DNAJA2: variants seen among roughly 807,000 people sequenced by gnomAD.
The protein encoded by DNAJA2 is DnaJ heat shock protein family (Hsp40) member A2.
A neutral mutation model predicts 49.3 loss-of-function variants in DNAJA2; 6 were observed. The observed-to-expected ratio is 0.12, with a 90% CI of 0.07 to 0.24. The LOEUF is 0.24. Ranked by LOEUF, DNAJA2 falls within the 10% of genes least tolerant of loss-of-function variation. The probability of loss-of-function intolerance (pLI) is 1.00; values close to 1 mark genes in which losing one functional copy is unlikely to be tolerated. For synonymous variants in DNAJA2, 160 were observed against 172.7 expected, an observed-to-expected ratio of 0.93 and a Z score of 0.58; for missense variants, 347 against 516.8, an observed-to-expected ratio of 0.67 and a Z score of 3.19.
intron 4 of DNAJA2, 102 bp downstream of exon 4, chr16:46,967,982 C>G (rs898618979): frequency 2.2e-4 from 258 of 1,155,528 alleles, no homozygotes; most frequent in Non-Finnish European, 2.9e-4. Context: ...CGCACCCAGC[C>G]GTAAGTTTTA....
At chr16:46,958,734 A>G (rs8052160) in intron 8 of DNAJA2, 281,054 of 311,186 alleles carry the variant, frequency 0.9, 128,527 homozygotes, top group East Asian at 0.99. Flanking sequence ...AGCCGAGACT[A>G]CACCACTGCA....
chr16:46,968,757 G>A (rs1962008067), intron 3 of DNAJA2, among the ~76,000 whole-genome samples: 1 of 152,286 alleles, frequency 6.6e-6, no homozygotes, highest in Middle Eastern at 3.4e-3. Context: ...GGATAGAATA[G>A]TTTTTCATGC....
At chr16:46,963,407 A>T (rs1347202255) in intron 6 of DNAJA2, among the ~76,000 whole-genome samples, 1 of 151,946 alleles carries the variant, frequency 6.6e-6, no homozygotes, top group Non-Finnish European at 1.5e-5. Context: ...TGTGGCTCAC[A>T]CCTGTAATCC....
At chr16:46,973,330 G>C (rs1596660549) in intron 1 of DNAJA2, among the ~76,000 whole-genome samples, 165 bp downstream of exon 1, 1 of 150,794 alleles carries the variant, frequency 6.6e-6, no homozygotes, top group Admixed American at 6.6e-5. Context: ...GGAGTGCGCG[G>C]CTCGCGGCGA....
intron 5 of DNAJA2, among the ~76,000 whole-genome samples, chr16:46,965,593 G>A (rs989083575): frequency 6.6e-6 from 1 of 152,136 alleles, no homozygotes; most frequent in African/African-American, 2.4e-5. Context: ...CCCTTTGGGA[G>A]GCGAAGGCGG....
intron 5 of DNAJA2, among the ~76,000 whole-genome samples, chr16:46,966,486 T>C (rs1177070013): frequency 4.6e-5 from 7 of 152,252 alleles, no homozygotes; most frequent in Non-Finnish European, 1.0e-4. Flanking sequence ...AGGTGATTAA[T>C]GGCTACTGTA....
Position 46,968,607 on chromosome 16 carries a change from T to G in DNAJA2, c.363-443A>C, listed in dbSNP as rs561760303. 5.3e-5 allele frequency among the ~76,000 whole-genome samples: 8 copies of G among 152,328 alleles called. No homozygotes were observed. In the East Asian group the frequency reaches 1.5e-3, roughly 29 times the overall value. Reference sequence around the variant, plus strand: ...TAACTTGCCCAAGATCACATAGGTATCTGGCTCCAGAGTCCCTGTTTCCTC... The same window carrying G: ...TAACTTGCCCAAGATCACATAGGTAGCTGGCTCCAGAGTCCCTGTTTCCTC... On this transcript the variant is annotated intron_variant, in intron 3 of 8. Coordinates refer to ENST00000317089, the MANE Select transcript of DNAJA2 (RefSeq NM_005880.4).
intron 8 of DNAJA2, among the ~76,000 whole-genome samples, chr16:46,958,166 G>GC (rs1961842908): frequency 6.6e-6 from 1 of 152,046 alleles, no homozygotes; most frequent in Non-Finnish European, 1.5e-5. Flanking sequence ...GTTTTAAAAA[G>GC]CATTAGCCAG....
chr16:46,961,635 C>CA (rs1961896994), intron 6 of DNAJA2, among the ~76,000 whole-genome samples: 1 of 150,096 alleles, frequency 6.7e-6, no homozygotes, highest in Non-Finnish European at 1.5e-5. Flanking sequence ...CGTTCTTGTA[C>CA]AGGAGAGTTC....
At chr16:46,970,721 A>C (rs1962031719) in intron 3 of DNAJA2, among the ~76,000 whole-genome samples, 1 of 107,362 alleles carries the variant, frequency 9.3e-6, no homozygotes, top group African/African-American at 3.9e-5. Context: ...GGCGACAGGG[A>C]CTCCATTTCA....
intron 6 of DNAJA2, 81 bp downstream of exon 6, chr16:46,964,530 A>C: frequency 7.1e-7 from 1 of 1,401,110 alleles, no homozygotes. Flanking sequence ...AGGGACTCCA[A>C]ACAGATCTAA....
chr16:46,961,532 T>G (rs909229142), intron 6 of DNAJA2, among the ~76,000 whole-genome samples: 1 of 140,898 alleles, frequency 7.1e-6, no homozygotes, highest in African/African-American at 2.7e-5. Context: ...CTACTAAAAA[T>G]ACAATTGCGC....
At chr16:46,957,266 C>T (rs1157358409) in intron 8 of DNAJA2, 46 bp from the exon 9 acceptor site, 13 of 1,504,278 alleles carry the variant, frequency 8.6e-6, no homozygotes, top group Non-Finnish European at 1.2e-5. Context: ...ATATTTTCAT[C>T]AACTTTCCTT....
chr16:46,972,932 G>A (rs1962075674), intron 1 of DNAJA2: 2 of 152,334 alleles, frequency 1.3e-5, no homozygotes, highest in Non-Finnish European at 2.9e-5. Context: ...CAATGGGCGA[G>A]GGACGCAGAG....
At chr16:46,971,216 AAAAG>A (rs1327024994) in intron 3 of DNAJA2, 129 bp downstream of exon 3, 3 of 678,868 alleles carry the variant, frequency 4.4e-6, no homozygotes, top group Non-Finnish European at 7.1e-6. Context: ...TTTAGTCACC[AAAAG>A]AAGACAAGGC....
chr16:46,957,325 G>A, intron 8 of DNAJA2, 105 bp from the exon 9 acceptor site: 1 of 1,110,282 alleles, frequency 9.0e-7, no homozygotes, highest in Non-Finnish European at 1.3e-6. Context: ...AAGGGGCTGG[G>A]TGTGGTGGTT....
At chr16:46,965,938 A>G (rs1961963378) in intron 5 of DNAJA2, among the ~76,000 whole-genome samples, 1 of 148,294 alleles carries the variant, frequency 6.7e-6, no homozygotes, top group South Asian at 2.2e-4. Flanking sequence ...ATAAAATAAA[A>G]GCAGGCCAAG....
Position 46,971,440 on chromosome 16 carries a change from T to G in DNAJA2, c.271A>C (p.Ile91Leu). ...GGGMDDIFSH[I>L]FGGGLFGFMG... ...AAGCCGAACAATCCCCCACCAAAAATGTGAGAGAAAATATCATCCATGCCA... is the reference window on the plus strand; with the variant it reads ...AAGCCGAACAATCCCCCACCAAAAAGGTGAGAGAAAATATCATCCATGCCA... Residue 91 changes from isoleucine (I) to leucine (L), a missense_variant, in exon 3 of 9, where the codon ATT becomes CTT. Transcript: ENST00000317089. The G allele has an allele frequency of 6.2e-7, 1 of 1,614,040 alleles. No homozygotes were observed. Among genetic ancestry groups the G allele is most frequent in the Non-Finnish European group, 8.5e-7 (1 of 1,179,984 alleles).
chr16:46,962,198 A>G (rs1254212358), intron 6 of DNAJA2, among the ~76,000 whole-genome samples: 1 of 152,118 alleles, frequency 6.6e-6, no homozygotes, highest in Non-Finnish European at 1.5e-5. Flanking sequence ...ATCTCATTTG[A>G]CTCTTTAATA....
Sources: gnomAD v4.1 joint callset for allele counts (sites outside exome capture counted in the v4.1 genomes callset) on GRCh38, gnomAD v4.1.1 for gene constraint, MANE v1.5 for transcripts, NCBI Gene and HGNC (gene_info 2026-07-23, HGNC 2026-07-21) for gene names.